The following JAKMIP2 variants were observed in gnomAD, a reference collection of about 807,000 sequenced individuals.
JAKMIP2 encodes janus kinase and microtubule interacting protein 2.
A neutral mutation model predicts 115.0 loss-of-function variants in JAKMIP2; 25 were observed. The observed-to-expected ratio is 0.22, with a 90% CI of 0.16 to 0.30. JAKMIP2 has a LOEUF of 0.30. Among genes scored for constraint, JAKMIP2 ranks in the 10% least tolerant of loss-of-function variants. The pLI, the probability that JAKMIP2 is intolerant of heterozygous loss-of-function variation, is 1.00. For missense variants in JAKMIP2, 642 were observed against 957.6 expected, an observed-to-expected ratio of 0.67 and a Z score of 4.35; for synonymous variants, 334 against 343.6, an observed-to-expected ratio of 0.97 and a Z score of 0.31.
chr5:147,611,940 T>C (rs1756348482), intron 20 of JAKMIP2, among the ~76,000 whole-genome samples: 1 of 151,908 alleles, frequency 6.6e-6, no homozygotes, highest in Admixed American at 6.6e-5. Context: ...TTTTTATGAA[T>C]GATAATGGGA....
intron 21 of JAKMIP2, among the ~76,000 whole-genome samples, chr5:147,596,138 A>T (rs1270373647): frequency 6.6e-6 from 1 of 152,104 alleles, no homozygotes; most frequent in Non-Finnish European, 1.5e-5. Flanking sequence ...AGCCTGAGAG[A>T]TTGCCCGTGT....
chr5:147,715,433 A>G (rs1752938012), intron 1 of JAKMIP2, among the ~76,000 whole-genome samples: 1 of 151,258 alleles, frequency 6.6e-6, no homozygotes, highest in African/African-American at 2.4e-5. Flanking sequence ...CTATTAATAT[A>G]CACATATAAA....
At chr5:147,781,993 T>G (rs1263421849) in intron 1 of JAKMIP2, among the ~76,000 whole-genome samples, 3 of 152,174 alleles carry the variant, frequency 2.0e-5, no homozygotes, top group Non-Finnish European at 4.4e-5. Flanking sequence ...TGGGGCCACT[T>G]TTTCTAAGCA....
intron 21 of JAKMIP2, among the ~76,000 whole-genome samples, chr5:147,598,463 CT>C (rs1358184128): frequency 9.2e-6 from 1 of 108,284 alleles, no homozygotes; most frequent in Non-Finnish European, 2.2e-5. Flanking sequence ...TATCTATCAT[CT>C]ATCTATGTAT....
intron 1 of JAKMIP2, among the ~76,000 whole-genome samples, chr5:147,726,682 C>G (rs184572403): frequency 6.6e-6 from 1 of 152,190 alleles, no homozygotes; most frequent in Non-Finnish European, 1.5e-5. Flanking sequence ...ACTGTTAAAG[C>G]CAGCCTGGCA....
At chr5:147,657,854 A>G (rs1758757512) in intron 3 of JAKMIP2, among the ~76,000 whole-genome samples, 1 of 151,942 alleles carries the variant, frequency 6.6e-6, no homozygotes, top group Non-Finnish European at 1.5e-5. Flanking sequence ...CACCTCTATC[A>G]GGTCATTTAT....
intron 4 of JAKMIP2, 90 bp downstream of exon 4, chr5:147,650,248 A>G: frequency 3.7e-6 from 3 of 821,802 alleles, no homozygotes; most frequent in Non-Finnish European, 6.3e-6. Flanking sequence ...CTTTGTAGTA[A>G]ACAAGAAAAG....
At chr5:147,697,112 T>C (rs535075877) in intron 1 of JAKMIP2, among the ~76,000 whole-genome samples, 266 of 152,304 alleles carry the variant, frequency 1.7e-3, no homozygotes, top group Middle Eastern at 3.4e-3. Flanking sequence ...GTTTTCACAC[T>C]GCTAATAAAA....
intron 1 of JAKMIP2, among the ~76,000 whole-genome samples, chr5:147,675,939 G>C (rs950373933): frequency 6.6e-6 from 1 of 151,960 alleles, no homozygotes; most frequent in Non-Finnish European, 1.5e-5. Context: ...TTCATTCATT[G>C]CCTGATGGAT....
Position 147,644,121 on chromosome 5 carries a change from T to C in JAKMIP2, c.1161A>G (p.Gln387=). The change falls in exon 7 of 22, where the codon CAA becomes CAG. Residue 387 remains glutamine, a synonymous_variant. Coordinates refer to ENST00000616793, the MANE Select transcript of JAKMIP2 (RefSeq NM_001270941.2). The part of the protein sequence containing the change: ...LNDLDQANEE[Q]ETEFLKLQVI... Reference sequence around the variant, plus strand: ...CCTGAAGTTTTAGAAACTCTGTTTCTTGTTCTTCATTAGCTTGGTCGAGGT... The same window carrying C: ...CCTGAAGTTTTAGAAACTCTGTTTCCTGTTCTTCATTAGCTTGGTCGAGGT... 6.2e-7 allele frequency: 1 copy of C among 1,609,350 alleles called. No individual in the cohort carries two copies. Among genetic ancestry groups the C allele is most frequent in the East Asian group, 2.2e-5 (1 of 44,724 alleles).
At chr5:147,752,249 G>T (rs1379243436) in intron 1 of JAKMIP2, among the ~76,000 whole-genome samples, 1 of 152,132 alleles carries the variant, frequency 6.6e-6, no homozygotes, top group Non-Finnish European at 1.5e-5. Flanking sequence ...TTAAAAATCT[G>T]GATGAAGTAT....
chr5:147,654,879 T>C (rs1008903194), intron 3 of JAKMIP2, among the ~76,000 whole-genome samples: 2 of 151,546 alleles, frequency 1.3e-5, no homozygotes, highest in African/African-American at 4.8e-5. Context: ...ATTTTGAGGT[T>C]TGTTCCACCA....
rs1197575863 is a variant in JAKMIP2 at position 147,587,974 on chromosome 5, A to T, written c.*3733T>A. On this transcript the variant is annotated 3_prime_UTR_variant, in exon 22 of 22. Coordinates refer to ENST00000616793, the MANE Select transcript of JAKMIP2 (RefSeq NM_001270941.2). ...AAAAAAAAAAAAAAATTAAATCAAG[A>T]TCTATTCTTCCACCCCTAAAACCTA... is the stretch of plus-strand genomic sequence containing the variant. The T allele has an allele frequency of 6.6e-6, 1 of 151,686 alleles. No homozygotes were observed. Among genetic ancestry groups the T allele is most frequent in the Non-Finnish European group, 1.5e-5 (1 of 67,914 alleles). The allele number at this position is 151,686 out of a possible 1,614,324, so 9.4% of individuals were successfully genotyped here. A position where few individuals can be genotyped will look rare whatever the true frequency, so the allele number is the denominator to read the frequency against.
chr5:147,592,167 C>T (rs147976837), intron 21 of JAKMIP2, among the ~76,000 whole-genome samples: 103 of 152,278 alleles, frequency 6.8e-4, no homozygotes, highest in African/African-American at 2.3e-3. Context: ...GAAAATAGTA[C>T]CCAATAGGTA....
Position 147,590,261 on chromosome 5 carries a change from C to G in JAKMIP2, c.*1446G>C, listed in dbSNP as rs1755048819. ...TCTCTATGCATGGGAATTCTAGCCC[C>G]ATAAATAAAACTTCAAAAATTTGAA... On this transcript the variant is annotated 3_prime_UTR_variant, in exon 22 of 22. Transcript: ENST00000616793. 1 of 152,142 alleles carries G rather than the reference C, an allele frequency of 6.6e-6. No homozygotes were observed. The highest frequency in any genetic ancestry group is 2.4e-5 in the African/African-American group (1 of 41,434). The allele number at this position is 152,142 out of a possible 1,614,324, so 9.4% of individuals were successfully genotyped here.
intron 1 of JAKMIP2, among the ~76,000 whole-genome samples, chr5:147,689,508 T>C (rs1580785512): frequency 6.6e-6 from 1 of 152,072 alleles, no homozygotes; most frequent in Non-Finnish European, 1.5e-5. Flanking sequence ...AGGGAGGTGG[T>C]GATAGGACTA....
intron 7 of JAKMIP2, among the ~76,000 whole-genome samples, chr5:147,643,292 C>T (rs918068799): frequency 1.2e-4 from 18 of 152,180 alleles, no homozygotes; most frequent in Non-Finnish European, 1.8e-4. Flanking sequence ...TAACCTTTCT[C>T]TGTCTCAGTG....
chr5:147,659,478 G>A (rs183095943), intron 3 of JAKMIP2, among the ~76,000 whole-genome samples: 6 of 152,204 alleles, frequency 3.9e-5, no homozygotes, highest in Non-Finnish European at 4.4e-5. Flanking sequence ...GTTTCCATTC[G>A]GCCATCTTGG....
chr5:147,775,760 G>A (rs1434985119), intron 1 of JAKMIP2, among the ~76,000 whole-genome samples: 2 of 152,140 alleles, frequency 1.3e-5, no homozygotes, highest in East Asian at 3.9e-4. Context: ...CTTAGGCCAG[G>A]AGCCCTTTAG....
Sources: allele counts gnomAD v4.1 joint callset (sites outside exome capture counted in the v4.1 genomes callset), GRCh38; gene constraint gnomAD v4.1.1; transcripts MANE v1.5; gene names NCBI Gene and HGNC (gene_info 2026-07-23, HGNC 2026-07-21).